Variants in RANGAP1 observed in about 807,000 individuals in gnomAD.
The protein encoded by RANGAP1 is Ran GTPase activating protein 1, also known as ran GTPase-activating protein 1.
Under a neutral mutation model 63.5 loss-of-function variants are expected in RANGAP1, and 38 were observed. The observed-to-expected ratio is 0.60, with a 90% confidence interval of 0.46 to 0.78. The LOEUF is 0.78. Among genes scored for constraint, RANGAP1 ranks in the 30% least tolerant of loss-of-function variants. The probability of loss-of-function intolerance (pLI) is 0.00; values close to 1 mark genes in which losing one functional copy is unlikely to be tolerated. For synonymous variants in RANGAP1, 329 were observed against 310.5 expected (o/e 1.06, Z -0.63); for missense variants, 630 against 740.3 (o/e 0.85, Z 1.73).
chr22:41,257,107 A>T lies in RANGAP1; in HGVS notation c.775-283T>A, dbSNP rs2033890208. Among the ~76,000 whole-genome samples, 2 of 152,068 alleles carry T rather than the reference A, an allele frequency of 1.3e-5. No homozygotes were observed. The highest frequency in any genetic ancestry group is 4.8e-5 in the African/African-American group (2 of 41,390). ...ACACGTAAGCTGATCCCTCTGCCTG[A>T]AACACCCATCCCCCACCCTCTGTCC... On this transcript the variant is annotated intron_variant, in intron 7 of 15. Transcript: ENST00000356244. This position sits in a 1 kb window ranked among gnomAD's most constrained non-coding sequence, Gnocchi z 4.0.
At position 41,256,194 on chromosome 22, in the gene RANGAP1, T is replaced by C. The variant is rs2033821884; in HGVS notation, c.985A>G (p.Asn329Asp). The change falls in exon 9 of 16, where the codon AAT becomes GAT. Residue 329 changes from asparagine to aspartate, a missense_variant. Around this residue, in one of 3 missense-constraint regions of RANGAP1, gnomAD observed 428 missense variants for 465.5 expected, o/e 0.92. Transcript: ENST00000356244. The part of the protein sequence containing the change: ...DKAELEKLDL[N>D]GNTLGEEGCE... ...GAGGCCTCCCCCATCCGACTACCATTCAGGTCCAGCTTCTCCAGCTCAGCT... is the reference window on the plus strand; with the variant it reads ...GAGGCCTCCCCCATCCGACTACCATCCAGGTCCAGCTTCTCCAGCTCAGCT... 1 of 1,613,910 alleles carries C rather than the reference T, an allele frequency of 6.2e-7. No homozygotes were observed. The highest frequency in any genetic ancestry group is 1.3e-5 in the African/African-American group (1 of 74,896).
the RANGAP1 span, among the ~76,000 whole-genome samples, chr22:41,293,869 G>C: frequency 6.6e-6 from 1 of 151,714 alleles, no homozygotes; most frequent in Non-Finnish European, 1.5e-5. Flanking sequence ...ATGTTGCCCA[G>C]GCTAGTTAGT....
rs2035234821 is a variant in RANGAP1 at position 41,277,606 on chromosome 22, C to T, written c.113-2879G>A. 16 of 788,306 alleles carry T rather than the reference C, an allele frequency of 2.0e-5. No individual in the cohort carries two copies. The South Asian group carries it at 3.1e-4, about 15-fold the overall frequency. 48.8% of individuals were successfully genotyped at this position (788,306 alleles called of 1,614,324 possible). ...GGTCAAGAAGGGTCTTGAGAAAGGACTTATAACCTAGCAGGGGCTCCCTAA... is the reference window on the plus strand; with the variant it reads ...GGTCAAGAAGGGTCTTGAGAAAGGATTTATAACCTAGCAGGGGCTCCCTAA... On this transcript the variant is annotated intron_variant, in intron 2 of 15. Transcript: ENST00000356244.
chr22:41,249,042 C>T (rs2033248534), intron 15 of RANGAP1, among the ~76,000 whole-genome samples: 1 of 152,254 alleles, frequency 6.6e-6, no homozygotes, highest in African/African-American at 2.4e-5. Flanking sequence ...AACTCCTTAA[C>T]CAACCCAGTG....
chr22:41,290,052 G>C (rs913466701), upstream of RANGAP1, among the ~76,000 whole-genome samples: 1 of 151,634 alleles, frequency 6.6e-6, no homozygotes, highest in African/African-American at 2.4e-5. Context: ...GATGCAGGAG[G>C]ATCCTTGAGC....
intron 11 of RANGAP1, 101 bp downstream of exon 11, chr22:41,254,207 A>C: frequency 7.8e-7 from 1 of 1,279,546 alleles, no homozygotes; most frequent in Non-Finnish European, 1.1e-6. Context: ...GTTTGTGGCT[A>C]CTGTGCTTAA....
chr22:41,298,280 C>A, the RANGAP1 span, among the ~76,000 whole-genome samples: 13 of 151,796 alleles, frequency 8.6e-5, no homozygotes, highest in Middle Eastern at 3.4e-3. Context: ...GGATTACAGG[C>A]GTGAGCCACA....
intron 1 of RANGAP1, chr22:41,285,422 G>A (rs2035702928): frequency 1.2e-6 from 1 of 843,030 alleles, no homozygotes; most frequent in Non-Finnish European, 1.4e-6. Flanking sequence ...GGTCAGCAAA[G>A]GATCAGCGCC....
At chr22:41,294,926 A>C in the RANGAP1 span, among the ~76,000 whole-genome samples, 1 of 66,760 alleles carries the variant, frequency 1.5e-5, no homozygotes, top group Non-Finnish European at 3.0e-5. Flanking sequence ...TCCGGGAGGG[A>C]GGTGGGGGAT....
upstream of RANGAP1, among the ~76,000 whole-genome samples, chr22:41,287,384 T>G (rs1348880474): frequency 3.9e-4 from 21 of 53,294 alleles, no homozygotes; most frequent in African/African-American, 4.0e-4. Context: ...TTTTTTTTGT[T>G]TTTTTTTTTT....
rs1201229452 is a variant in RANGAP1, at chr22:41,257,233, A to G, written c.775-409T>C. Among the ~76,000 whole-genome samples, 1 of 151,994 alleles carries G rather than the reference A, an allele frequency of 6.6e-6. No homozygotes were observed. The highest frequency in any genetic ancestry group is 6.6e-5 in the Admixed American group (1 of 15,252). On this transcript the variant is annotated intron_variant, in intron 7 of 15. Coordinates refer to ENST00000356244, the MANE Select transcript of RANGAP1 (RefSeq NM_002883.4). The surrounding 1 kb of genome is among the most constrained non-coding windows in gnomAD (Gnocchi z 4.0). Reference sequence around the variant, plus strand: ...GAACTTCCTTCTGGCGTGTTCCCCAACACCTGCACACATCTCTGCTAACAC... The same window carrying G: ...GAACTTCCTTCTGGCGTGTTCCCCAGCACCTGCACACATCTCTGCTAACAC...
chr22:41,271,401 A>AAC (rs1347971473), intron 3 of RANGAP1, among the ~76,000 whole-genome samples: 2 of 150,406 alleles, frequency 1.3e-5, no homozygotes, highest in Non-Finnish European at 3.0e-5. Context: ...AAAAACAAAA[A>AAC]AAAAAAACAA....
At chr22:41,246,799 C>T (rs1311093072) in intron 15 of RANGAP1, 127 bp from the exon 16 acceptor site, 8 of 887,722 alleles carry the variant, frequency 9.0e-6, no homozygotes, top group Non-Finnish European at 1.4e-5. Flanking sequence ...GAGACATTAG[C>T]CCTCTGCCTT....
intron 3 of RANGAP1, 37 bp downstream of exon 3, chr22:41,274,563 C>T: frequency 5.0e-6 from 8 of 1,610,900 alleles, no homozygotes; most frequent in Non-Finnish European, 6.8e-6. Flanking sequence ...GAAGCTTGTT[C>T]AAACCAGCCT....
intron 12 of RANGAP1, among the ~76,000 whole-genome samples, 187 bp downstream of exon 12, chr22:41,252,685 A>G (rs2033545599): frequency 6.6e-6 from 1 of 152,082 alleles, no homozygotes; most frequent in Non-Finnish European, 1.5e-5. Context: ...GGGAGGGAAC[A>G]TTTGCAACCC....
At chr22:41,275,948 C>T (rs12160933) in intron 2 of RANGAP1, among the ~76,000 whole-genome samples, 14 of 152,024 alleles carry the variant, frequency 9.2e-5, no homozygotes, top group African/African-American at 3.4e-4. Context: ...CCTGCCTTCT[C>T]AAAACAAAAC....
chr22:41,269,465 T>A (rs1044522311), intron 3 of RANGAP1, among the ~76,000 whole-genome samples: 3 of 152,162 alleles, frequency 2.0e-5, no homozygotes, highest in African/African-American at 7.2e-5. Flanking sequence ...CCGGGCATGG[T>A]GGCTCACACC....
upstream of RANGAP1, among the ~76,000 whole-genome samples, chr22:41,287,602 G>T (rs919488746): frequency 6.6e-6 from 1 of 151,812 alleles, no homozygotes; most frequent in African/African-American, 2.4e-5. Flanking sequence ...TGAGGCTGCA[G>T]TGAGCCGTGA....
At chr22:41,255,552 C>G (rs1348340337) in intron 10 of RANGAP1, among the ~76,000 whole-genome samples, 4 of 150,132 alleles carry the variant, frequency 2.7e-5, no homozygotes, top group African/African-American at 4.9e-5. Flanking sequence ...CCATCACTCC[C>G]CAGGCCCCAC....
Sources: gnomAD v4.1 joint callset for allele counts (sites outside exome capture counted in the v4.1 genomes callset) on GRCh38, gnomAD v4.1.1 for gene constraint, gnomAD v4.1.1 regional missense constraint, Gnocchi (gnomAD v3.1) non-coding constraint, MANE v1.5 for transcripts, NCBI Gene and HGNC (gene_info 2026-07-23, HGNC 2026-07-21) for gene names.